The following TMEM132D variants were observed in gnomAD, a reference collection of about 807,000 sequenced individuals.
The protein encoded by TMEM132D is transmembrane protein 132D.
A neutral mutation model predicts 62.3 loss-of-function variants in TMEM132D; 21 were observed. That is an observed-to-expected ratio of 0.34 (90% confidence interval 0.24 to 0.49). TMEM132D has a LOEUF of 0.49. TMEM132D is among the 20% of genes least tolerant of loss of function. TMEM132D has a pLI of 0.99. For synonymous variants in TMEM132D, 621 were observed against 575.6 expected, an observed-to-expected ratio of 1.08 and a Z score of -1.13; for missense variants, 1,346 against 1,402.8, an observed-to-expected ratio of 0.96 and a Z score of 0.65.
intron 1 of TMEM132D, among the ~76,000 whole-genome samples, chr12:129,750,336 C>T (rs1246740652): frequency 6.6e-5 from 10 of 152,248 alleles, no homozygotes; most frequent in Middle Eastern, 3.4e-3. Flanking sequence ...TGGCCTGCCT[C>T]GGCCTCCCAA....
chr12:129,546,836 G>C (rs1876752281), intron 2 of TMEM132D, among the ~76,000 whole-genome samples: 1 of 151,920 alleles, frequency 6.6e-6, no homozygotes, highest in Middle Eastern at 3.2e-3. Flanking sequence ...CTGTAGACAA[G>C]GGTAGCTACC....
intron 4 of TMEM132D, among the ~76,000 whole-genome samples, chr12:129,246,182 T>C (rs780760936): frequency 6.6e-5 from 10 of 152,058 alleles, no homozygotes; most frequent in Non-Finnish European, 1.2e-4. Context: ...CTGTCTTGAG[T>C]CACAAGAACA....
chr12:129,084,416 C>G, intron 6 of TMEM132D, 81 bp downstream of exon 6: 1 of 1,400,312 alleles, frequency 7.1e-7, no homozygotes. Context: ...CCACATGCAT[C>G]CTCAGACCCA....
chr12:129,377,636 G>A (rs1371261127), intron 3 of TMEM132D, among the ~76,000 whole-genome samples: 1 of 152,136 alleles, frequency 6.6e-6, no homozygotes, highest in Non-Finnish European at 1.5e-5. Flanking sequence ...TTCTGGTCCT[G>A]ATATTTAGAG....
At chr12:129,291,469 C>T (rs1568474) in intron 4 of TMEM132D, among the ~76,000 whole-genome samples, 46,936 of 152,046 alleles carry the variant, frequency 0.31, 8,122 homozygotes, top group Middle Eastern at 0.41. Flanking sequence ...GATGTCTTTT[C>T]GCCTGAAACT....
chr12:129,703,359 G>C (rs1030288674), intron 1 of TMEM132D, among the ~76,000 whole-genome samples: 1 of 152,106 alleles, frequency 6.6e-6, no homozygotes, highest in African/African-American at 2.4e-5. Flanking sequence ...TAACTTCTTA[G>C]CTTTATTCCA....
At chr12:129,598,796 C>G (rs1338598902) in intron 2 of TMEM132D, among the ~76,000 whole-genome samples, 2 of 152,138 alleles carry the variant, frequency 1.3e-5, no homozygotes, top group East Asian at 3.9e-4. Flanking sequence ...AATTCATTCC[C>G]TCTTTCTCTG....
intron 5 of TMEM132D, among the ~76,000 whole-genome samples, chr12:129,181,180 T>C (rs1242259349): frequency 6.6e-6 from 1 of 152,180 alleles, no homozygotes; most frequent in African/African-American, 2.4e-5. Context: ...TGCTCCTTCT[T>C]TGGCTAAATG....
intron 5 of TMEM132D, among the ~76,000 whole-genome samples, chr12:129,170,899 G>A (rs1455643157): frequency 6.6e-6 from 1 of 152,178 alleles, no homozygotes; most frequent in Non-Finnish European, 1.5e-5. Flanking sequence ...CTTGCCTTGA[G>A]GTTGATGGCT....
chr12:129,795,331 G>A (rs145472882), intron 1 of TMEM132D, among the ~76,000 whole-genome samples: 3 of 152,296 alleles, frequency 2.0e-5, no homozygotes, highest in South Asian at 2.1e-4. Flanking sequence ...TAAAAGCAGC[G>A]TTTCCCAAGC....
At chr12:129,742,430 G>A (rs1565969632) in intron 1 of TMEM132D, among the ~76,000 whole-genome samples, 2 of 152,056 alleles carry the variant, frequency 1.3e-5, no homozygotes, top group African/African-American at 2.4e-5. Flanking sequence ...AGATCTCATG[G>A]TAACTCATTA....
At chr12:129,470,380 C>T (rs957859034) in intron 3 of TMEM132D, among the ~76,000 whole-genome samples, 13 of 152,246 alleles carry the variant, frequency 8.5e-5, no homozygotes, top group Admixed American at 3.3e-4. Context: ...ACTGCCAACA[C>T]GTGTAGTGTA....
At chr12:129,509,501 T>A (rs1875435772) in intron 3 of TMEM132D, among the ~76,000 whole-genome samples, 1 of 152,196 alleles carries the variant, frequency 6.6e-6, no homozygotes, top group African/African-American at 2.4e-5. Flanking sequence ...TTTTAGTTAT[T>A]TTAAAATGTA....
chr12:129,613,676 C>G (rs1167696555), intron 2 of TMEM132D, among the ~76,000 whole-genome samples: 1 of 152,256 alleles, frequency 6.6e-6, no homozygotes, highest in African/African-American at 2.4e-5. Flanking sequence ...ACCGAGAGGA[C>G]TGTCTCCAGC....
Position 129,073,448 on chromosome 12 carries a change from T to A in TMEM132D, c.*427A>T, listed in dbSNP as rs373019991. The stretch of plus-strand genomic sequence containing the variant: ...AGTTTCGATGACACGCTTCCTCCCA[T>A]TGATCCATGGATGCGATCCATGGAT... On this transcript the variant is annotated 3_prime_UTR_variant, in exon 9 of 9. Coordinates refer to ENST00000422113, the MANE Select transcript of TMEM132D (RefSeq NM_133448.3). 2.7e-4 allele frequency: 36 copies of A among 133,304 alleles called. No individual in the cohort carries two copies. Among genetic ancestry groups the A allele is most frequent in the Non-Finnish European group, 5.9e-4 (35 of 59,504 alleles). 8.3% of individuals were successfully genotyped at this position (133,304 alleles called of 1,614,324 possible).
chr12:129,737,641 C>T (rs1869471155), intron 1 of TMEM132D, among the ~76,000 whole-genome samples: 1 of 152,176 alleles, frequency 6.6e-6, no homozygotes, highest in Non-Finnish European at 1.5e-5. Flanking sequence ...TTGCACCTGC[C>T]TGATTCACTC....
At chr12:129,746,159 T>C (rs916502005) in intron 1 of TMEM132D, among the ~76,000 whole-genome samples, 4 of 152,136 alleles carry the variant, frequency 2.6e-5, no homozygotes, top group African/African-American at 9.7e-5. Flanking sequence ...GTTTGAACGA[T>C]GCAATGAGAG....
At chr12:129,489,851 C>T (rs374078362) in intron 3 of TMEM132D, among the ~76,000 whole-genome samples, 6 of 152,050 alleles carry the variant, frequency 3.9e-5, no homozygotes, top group African/African-American at 1.4e-4. Flanking sequence ...AGCCATAATA[C>T]AATAATTTTC....
chr12:129,485,528 A>T (rs1874555940), intron 3 of TMEM132D, among the ~76,000 whole-genome samples: 1 of 152,210 alleles, frequency 6.6e-6, no homozygotes, highest in Non-Finnish European at 1.5e-5. Context: ...GGCCAAACCC[A>T]CTTCCAAGTC....
Sources: gnomAD v4.1 joint callset for allele counts (sites outside exome capture counted in the v4.1 genomes callset) on GRCh38, gnomAD v4.1.1 for gene constraint, MANE v1.5 for transcripts, NCBI Gene and HGNC (gene_info 2026-07-23, HGNC 2026-07-21) for gene names.